LRRC1: variants seen among roughly 807,000 people sequenced by gnomAD.
LRRC1 encodes the protein leucine rich repeat containing 1.
LRRC1 carries 28 observed loss-of-function variants against 69.9 expected under a neutral mutation model. The observed-to-expected ratio is 0.40, with a 90% CI of 0.30 to 0.55. The LOEUF is 0.55. LRRC1 is among the 20% of genes least tolerant of loss of function. The pLI is 0.47. For missense variants in LRRC1, 498 were observed against 609.0 expected (o/e 0.82, Z 1.92); for synonymous variants, 236 against 240.2 (o/e 0.98, Z 0.16).
intron 8 of LRRC1, 138 bp downstream of exon 8, chr6:53,900,029 T>TTTTTTTTTG (rs1768002484): frequency 7.9e-6 from 2 of 251,924 alleles, no homozygotes; most frequent in African/African-American, 1.8e-4. Flanking sequence ...TGTTTTTTTT[T>TTTTTTTTTG]TTTTTTTTTT....
chr6:53,895,724 C>G (rs1329780587), intron 4 of LRRC1, among the ~76,000 whole-genome samples: 3 of 152,204 alleles, frequency 2.0e-5, no homozygotes, highest in Non-Finnish European at 4.4e-5. Context: ...CACTGCCTGT[C>G]AAGATTTGCC....
chr6:53,916,830 T>C (rs189868796), intron 11 of LRRC1, among the ~76,000 whole-genome samples: 2 of 152,356 alleles, frequency 1.3e-5, no homozygotes, highest in East Asian at 3.9e-4. Flanking sequence ...GCAGTTGCTA[T>C]AGTAGTTCAC....
At chr6:53,904,525 G>T in intron 10 of LRRC1, 63 bp downstream of exon 10, 1 of 1,120,232 alleles carries the variant, frequency 8.9e-7, no homozygotes. Flanking sequence ...ATACATAAGG[G>T]ATCAAAAATG....
At chr6:53,873,614 T>C (rs2127428085) in intron 2 of LRRC1, among the ~76,000 whole-genome samples, 1 of 152,208 alleles carries the variant, frequency 6.6e-6, no homozygotes, top group East Asian at 1.9e-4. Flanking sequence ...ATGCTACTGA[T>C]TTTTCTATGT....
intron 2 of LRRC1, among the ~76,000 whole-genome samples, chr6:53,859,210 G>A (rs940858251): frequency 5.9e-5 from 9 of 152,166 alleles, no homozygotes; most frequent in African/African-American, 1.7e-4. Context: ...GGGACATTCA[G>A]GAGTGATGGA....
intron 2 of LRRC1, among the ~76,000 whole-genome samples, chr6:53,877,212 G>A (rs1480414764): frequency 6.6e-6 from 1 of 152,218 alleles, no homozygotes; most frequent in Non-Finnish European, 1.5e-5. Context: ...GCCCCTTTTA[G>A]TCAGAGCTGG....
At chr6:53,862,069 A>C (rs4236114) in intron 2 of LRRC1, among the ~76,000 whole-genome samples, 54,880 of 152,030 alleles carry the variant, frequency 0.36, 10,473 homozygotes, top group East Asian at 0.64. Flanking sequence ...TAAAGACTTC[A>C]TTTCTGGATC....
intron 1 of LRRC1, among the ~76,000 whole-genome samples, chr6:53,798,302 G>T (rs1318127940): frequency 6.6e-6 from 1 of 152,148 alleles, no homozygotes; most frequent in Non-Finnish European, 1.5e-5. Flanking sequence ...ATCCTTTTTG[G>T]CTCTGTGCTA....
intron 3 of LRRC1, among the ~76,000 whole-genome samples, chr6:53,882,329 C>G (rs1767319065): frequency 6.6e-6 from 1 of 152,192 alleles, no homozygotes; most frequent in African/African-American, 2.4e-5. Context: ...GCCTGGGTGA[C>G]AGAGTGAGAC....
chr6:53,914,511 G>A (rs760663498), intron 11 of LRRC1, among the ~76,000 whole-genome samples: 7 of 152,128 alleles, frequency 4.6e-5, no homozygotes, highest in Non-Finnish European at 1.0e-4. Flanking sequence ...AAAAAGTTCA[G>A]AGCCGCCAGA....
chr6:53,920,197 C>T (rs1484338319), intron 12 of LRRC1, among the ~76,000 whole-genome samples: 1 of 152,102 alleles, frequency 6.6e-6, no homozygotes, highest in African/African-American at 2.4e-5. Context: ...GACTTTAAGA[C>T]CCTAGAGAAA....
chr6:53,895,858 A>G (rs1413885958), intron 4 of LRRC1, among the ~76,000 whole-genome samples: 1 of 152,242 alleles, frequency 6.6e-6, no homozygotes, highest in Non-Finnish European at 1.5e-5. Context: ...AAGCAACATT[A>G]TTATAGCTAC....
At chr6:53,897,890 G>A (rs546788984) in intron 7 of LRRC1, among the ~76,000 whole-genome samples, 20 of 152,276 alleles carry the variant, frequency 1.3e-4, no homozygotes, top group East Asian at 9.6e-4. Flanking sequence ...CAAATGAAGC[G>A]GAGTCTTGTA....
chr6:53,826,952 A>G (rs897153515), intron 1 of LRRC1, among the ~76,000 whole-genome samples: 2 of 152,112 alleles, frequency 1.3e-5, no homozygotes, highest in African/African-American at 4.8e-5. Flanking sequence ...TGCATAAGGT[A>G]TATTTAAACC....
At chr6:53,915,236 C>T (rs931417757) in intron 11 of LRRC1, among the ~76,000 whole-genome samples, 4 of 152,080 alleles carry the variant, frequency 2.6e-5, no homozygotes, top group Non-Finnish European at 4.4e-5. Flanking sequence ...TGGTCAGGCA[C>T]GGGTCACCAT....
At chr6:53,813,953 T>C (rs1764875557) in intron 1 of LRRC1, among the ~76,000 whole-genome samples, 2 of 152,182 alleles carry the variant, frequency 1.3e-5, no homozygotes, top group Non-Finnish European at 1.5e-5. Flanking sequence ...GTGTTGGAAA[T>C]TTTGCTAGCT....
At chr6:53,867,546 A>G (rs1766742107) in intron 2 of LRRC1, among the ~76,000 whole-genome samples, 1 of 152,218 alleles carries the variant, frequency 6.6e-6, no homozygotes, top group Non-Finnish European at 1.5e-5. Flanking sequence ...GATTAATTTT[A>G]CAATCATTCT....
chr6:53,900,260 T>A lies in LRRC1; in HGVS notation c.787+369T>A, dbSNP rs9474679. Among the ~76,000 whole-genome samples, 704 of 151,978 alleles carry A rather than the reference T, an allele frequency of 4.6e-3. 11 individuals carry two copies. The highest frequency in any genetic ancestry group is 0.041 in the East Asian group (209 of 5,150). The stretch of plus-strand genomic sequence containing the variant: ...CACCCTGTTAGCCAGGATGGTCTCG[T>A]TCTCCTGACCTCGTGATCCGCCCGC... On this transcript the variant is annotated intron_variant, in intron 8 of 13. Coordinates refer to ENST00000370888, the MANE Select transcript of LRRC1 (RefSeq NM_018214.5).
At chr6:53,878,502 C>T (rs902297136) in intron 2 of LRRC1, among the ~76,000 whole-genome samples, 1 of 152,202 alleles carries the variant, frequency 6.6e-6, no homozygotes, top group Non-Finnish European at 1.5e-5. Context: ...GAGCACACAA[C>T]CTAGATCCCT....
Sources: allele counts gnomAD v4.1 joint callset (sites outside exome capture counted in the v4.1 genomes callset), GRCh38; gene constraint gnomAD v4.1.1; transcripts MANE v1.5; gene names NCBI Gene and HGNC (gene_info 2026-07-23, HGNC 2026-07-21).